Variants in NFKBID observed in about 807,000 individuals in gnomAD.
NFKBID encodes NFKB inhibitor delta, also known as NF-kappa-B inhibitor delta.
In NFKBID, 26 loss-of-function variants were observed where a neutral mutation model predicts 53.4. The ratio of observed to expected loss-of-function variants is 0.49; its 90% CI spans 0.36 to 0.68. The LOEUF (loss-of-function observed/expected upper bound fraction) is 0.68. Among genes scored for constraint, NFKBID ranks in the 30% least tolerant of loss-of-function variants. The pLI, the probability that NFKBID is intolerant of heterozygous loss-of-function variation, is 0.00. For missense variants in NFKBID, 493 were observed against 614.1 expected (o/e 0.80, Z 2.08); for synonymous variants, 262 against 259.8 (o/e 1.01, Z -0.08).
chr19:35,893,476 T>C (rs1974919207), intron 9 of NFKBID, among the ~76,000 whole-genome samples: 1 of 152,164 alleles, frequency 6.6e-6, no homozygotes, highest in Non-Finnish European at 1.5e-5. Flanking sequence ...TCTTTAAAGA[T>C]ACACAAATAT....
intron 11 of NFKBID, among the ~76,000 whole-genome samples, chr19:35,889,289 G>A (rs1292913184): frequency 1.3e-5 from 2 of 151,946 alleles, no homozygotes; most frequent in African/African-American, 2.4e-5. Context: ...CCAGGAGCTC[G>A]AGGCTGCAGT....
In NFKBID at chr19:35,896,157, C is replaced by T; in HGVS notation, c.884-29G>A. ...CAGAATGGAGACAGTGAGGGACCCG[C>T]ATCTGCACCCACCTCGCCCAGCCAC... is the stretch of plus-strand genomic sequence containing the variant. On this transcript the variant is annotated intron_variant, in intron 8 of 11. Transcript: ENST00000641389. The surrounding 1 kb of genome is among the most constrained non-coding windows in gnomAD (Gnocchi z 5.7). 2 of 1,613,866 alleles carry T rather than the reference C, an allele frequency of 1.2e-6. No individual in the cohort carries two copies. The highest frequency in any genetic ancestry group is 1.1e-5 in the South Asian group (1 of 91,060).
At position 35,897,198 on chromosome 19, in the gene NFKBID, C is replaced by T. The variant is rs1312433265; in HGVS notation, c.433-140G>A. On this transcript the variant is annotated intron_variant, in intron 4 of 11. Coordinates refer to ENST00000641389, the Ensembl canonical transcript of NFKBID. ...ATCTGCATGCAGAGCCCCTGGGTAT[C>T]CCATCTATGCCAAGTGACCTTGGAC... is the stretch of plus-strand genomic sequence containing the variant. 13 of 844,272 alleles carry T rather than the reference C, an allele frequency of 1.5e-5. No homozygotes were observed. The South Asian group carries it at 1.9e-4, about 13-fold the overall frequency. 52.3% of individuals were successfully genotyped at this position (844,272 alleles called of 1,614,324 possible).
At chr19:35,893,721 G>A (rs1241308007) in intron 9 of NFKBID, among the ~76,000 whole-genome samples, 3 of 151,956 alleles carry the variant, frequency 2.0e-5, no homozygotes, top group South Asian at 2.1e-4. Flanking sequence ...TCAGGAGGCT[G>A]AGGCAGGAGA....
chr19:35,891,981 C>T (rs185759002), intron 9 of NFKBID, among the ~76,000 whole-genome samples: 446 of 152,056 alleles, frequency 2.9e-3, no homozygotes, highest in South Asian at 9.8e-3. Flanking sequence ...CTACTGGGCT[C>T]GAGTGATCCT....
chr19:35,900,285 C>T (rs1408580036), intron 1 of NFKBID, among the ~76,000 whole-genome samples, 157 bp downstream of exon 1: 1 of 151,794 alleles, frequency 6.6e-6, no homozygotes, highest in African/African-American at 2.4e-5. Flanking sequence ...CCCTCTGTCA[C>T]GATCCACGAT....
upstream of NFKBID, chr19:35,900,699 C>G (rs1030418755): frequency 8.5e-7 from 1 of 1,178,084 alleles, no homozygotes; most frequent in South Asian, 4.4e-5. Flanking sequence ...ACTACTCAGT[C>G]CCCCCGGGAA....
upstream of NFKBID, among the ~76,000 whole-genome samples, chr19:35,900,827 C>CTTTTTTTTTTTTTTTTTTTTTTTTTTTTT (rs60365058): frequency 2.7e-4 from 29 of 107,598 alleles, no homozygotes; most frequent in South Asian, 3.1e-4. Flanking sequence ...TTTTTCTTTT[C>CTTTTTTTTTTTTTTTTTTTTTTTTTTTTT]TTTTTTTTTT....
In NFKBID at chr19:35,896,995, C is replaced by T. The variant is rs1369072548; in HGVS notation, c.496G>A (p.Gly166Arg). Residue 166 changes from glycine (G) to arginine (R), a missense_variant, in exon 5 of 12, where the codon GGA (glycine) becomes AGA (arginine). Transcript: ENST00000641389. The surrounding 1 kb of genome is among the most constrained non-coding windows in gnomAD (Gnocchi z 5.7). ...GCTCGGGCCACCTCCAGCGATGGTC[C>T]AGGGACCACAGCGGGGAACTGTGGG... 1.2e-6 allele frequency: 2 copies of T among 1,609,030 alleles called. No individual in the cohort carries two copies. Among genetic ancestry groups the T allele is most frequent in the African/African-American group, 2.7e-5 (2 of 74,544 alleles).
At chr19:35,898,797 G>C in exon 2 of NFKBID, 1 of 1,536,082 alleles carries the variant, frequency 6.5e-7, no homozygotes, top group Non-Finnish European at 8.7e-7. Flanking sequence ...TTTGCGTTGG[G>C]CAGTGGCTGC....
chr19:35,901,207 G>C (rs375778802), upstream of NFKBID, among the ~76,000 whole-genome samples: 2 of 152,136 alleles, frequency 1.3e-5, no homozygotes, highest in African/African-American at 4.8e-5. Flanking sequence ...CATGGGGGTA[G>C]GGGTAGGAGT....
At chr19:35,900,069 A>G (rs1975465320) in intron 1 of NFKBID, among the ~76,000 whole-genome samples, 1 of 8,840 alleles carries the variant, frequency 1.1e-4, no homozygotes, top group Non-Finnish European at 2.6e-4. Context: ...ATTTTAAGCA[A>G]CCACGCCCCC....
intron 9 of NFKBID, among the ~76,000 whole-genome samples, chr19:35,893,086 T>G (rs927711177): frequency 6.6e-6 from 1 of 152,054 alleles, no homozygotes; most frequent in East Asian, 1.9e-4. Context: ...GAAGGAATGT[T>G]TGAGGTCAGG....
At chr19:35,897,832 G>A (rs766242180) in exon 4 of NFKBID, 10 of 1,561,426 alleles carry the variant, frequency 6.4e-6, no homozygotes, top group South Asian at 4.6e-5. Context: ...CACAGTCTCC[G>A]AGTGTGCTGG....
exon 1 of NFKBID, chr19:35,900,607 G>GCCCGCC: frequency 8.1e-7 from 1 of 1,230,284 alleles, no homozygotes; most frequent in Non-Finnish European, 1.0e-6. Flanking sequence ...CCTGGGCAGG[G>GCCCGCC]CCCGCCCACA....
chr19:35,888,413 T>C, exon 12 of NFKBID: 1 of 651,234 alleles, frequency 1.5e-6, no homozygotes, highest in Non-Finnish European at 2.8e-6. Flanking sequence ...TGTTCACCCC[T>C]CTGCAGCCAT....
At chr19:35,893,528 T>C (rs60576074) in intron 9 of NFKBID, among the ~76,000 whole-genome samples, 13,893 of 152,138 alleles carry the variant, frequency 0.091, 1,260 homozygotes, top group African/African-American at 0.24. Context: ...AAAAATCACA[T>C]GAAAGTGAGA....
intron 9 of NFKBID, among the ~76,000 whole-genome samples, chr19:35,893,640 G>A (rs1974932894): frequency 6.6e-6 from 1 of 151,896 alleles, no homozygotes; most frequent in Non-Finnish European, 1.5e-5. Flanking sequence ...CTAACACGGT[G>A]AAACTGCGTC....
chr19:35,891,979 C>A (rs929407676), intron 9 of NFKBID, among the ~76,000 whole-genome samples: 1 of 151,958 alleles, frequency 6.6e-6, no homozygotes, highest in African/African-American at 2.4e-5. Context: ...ACCTACTGGG[C>A]TCGAGTGATC....
Sources: gnomAD v4.1 joint callset for allele counts (sites outside exome capture counted in the v4.1 genomes callset) on GRCh38, gnomAD v4.1.1 for gene constraint, Gnocchi (gnomAD v3.1) non-coding constraint, MANE v1.5 for transcripts, NCBI Gene and HGNC (gene_info 2026-07-23, HGNC 2026-07-21) for gene names.